The following FSHR variants were observed in gnomAD, a reference collection of about 807,000 sequenced individuals.
FSHR encodes the protein follicle-stimulating hormone receptor.
In FSHR, 46 loss-of-function variants were observed where a neutral mutation model predicts 52.1. The observed-to-expected ratio is 0.88, with a 90% CI of 0.70 to 1.13. FSHR has a LOEUF of 1.13. FSHR is among the 50% of genes most tolerant of loss of function. The pLI, the probability that FSHR is intolerant of heterozygous loss-of-function variation, is 0.00. For synonymous variants in FSHR, 399 were observed against 309.6 expected (o/e 1.29, Z -3.03); for missense variants, 964 against 834.6 (o/e 1.16, Z -1.91).
At chr2:48,979,988 G>A (rs562240311) in intron 8 of FSHR, among the ~76,000 whole-genome samples, 1 of 152,308 alleles carries the variant, frequency 6.6e-6, no homozygotes, top group South Asian at 2.1e-4. Flanking sequence ...CACCTCTCAG[G>A]CCAGGGTTTA....
At chr2:49,033,081 A>G (rs979800162) in intron 2 of FSHR, among the ~76,000 whole-genome samples, 2 of 152,166 alleles carry the variant, frequency 1.3e-5, no homozygotes, top group African/African-American at 2.4e-5. Flanking sequence ...TTTTAGGATC[A>G]TTGTGTCTTT....
At chr2:49,133,767 C>T (rs947838121) in intron 1 of FSHR, among the ~76,000 whole-genome samples, 2 of 152,058 alleles carry the variant, frequency 1.3e-5, no homozygotes, top group African/African-American at 4.8e-5. Context: ...TAATACCATA[C>T]ATCTACAACC....
rs1375863019 is a variant in FSHR at position 48,963,062 on chromosome 2, G to C, written c.1759C>G (p.Pro587Ala). The change falls in exon 10 of 10, where the codon CCC (proline) becomes GCC (alanine). Residue 587 changes from proline (P) to alanine (A), a missense_variant. Coordinates refer to ENST00000406846, the MANE Select transcript of FSHR (RefSeq NM_000145.4). ...GCAGAAATGGCAAAGAAAGAAATGGGTGCCATGCAGAGGAAGTCAGTGAAG... is the reference window on the plus strand; with the variant it reads ...GCAGAAATGGCAAAGAAAGAAATGGCTGCCATGCAGAGGAAGTCAGTGAAG... ...LIFTDFLCMA[P>A]ISFFAISASL... The C allele has an allele frequency of 6.2e-7, 1 of 1,614,054 alleles. No individual in the cohort carries two copies. The highest frequency in any genetic ancestry group is 1.1e-5 in the South Asian group (1 of 91,062).
intron 2 of FSHR, among the ~76,000 whole-genome samples, chr2:49,061,735 GCTATTTATATATAA>G (rs56172410): frequency 0.35 from 46,029 of 130,926 alleles, 8,401 homozygotes; most frequent in East Asian, 0.52. Context: ...AAAATATATA[GCTATTTATATATAA>G]CTATTTATAT....
chr2:49,092,432 C>T (rs1043806226), intron 1 of FSHR, among the ~76,000 whole-genome samples: 1 of 152,154 alleles, frequency 6.6e-6, no homozygotes, highest in African/African-American at 2.4e-5. Context: ...TGAAAGTGGA[C>T]ATTCTTGCTT....
At chr2:49,089,652 G>C (rs1225397595) in intron 1 of FSHR, among the ~76,000 whole-genome samples, 2 of 152,154 alleles carry the variant, frequency 1.3e-5, no homozygotes, top group Non-Finnish European at 2.9e-5. Flanking sequence ...ATTTAACAAA[G>C]AAAGTATGTC....
intron 2 of FSHR, among the ~76,000 whole-genome samples, chr2:49,065,742 G>T (rs905428022): frequency 6.6e-6 from 1 of 151,890 alleles, no homozygotes; most frequent in Non-Finnish European, 1.5e-5. Flanking sequence ...GTCATTCAAG[G>T]GTGGAGCTAG....
chr2:49,011,850 G>A (rs1047618421), intron 4 of FSHR, among the ~76,000 whole-genome samples: 1 of 151,972 alleles, frequency 6.6e-6, no homozygotes, highest in Non-Finnish European at 1.5e-5. Flanking sequence ...AAGCAGTTCA[G>A]CTTTTATAAC....
chr2:48,963,896 C>A lies in FSHR; in HGVS notation c.925G>T (p.Gly309Cys), dbSNP rs763012941. ...TCTTCTGCCAGAGAGGATCTCTGAC[C>A]CCTAGCCTGAGTCATATAATCAACT... The part of the protein sequence containing the change: ...QEVDYMTQAR[G>C]QRSSLAEDNE... The change falls in exon 10 of 10, where the codon GGT becomes TGT. Residue 309 changes from glycine to cysteine, a missense_variant. Gly to Cys is a radical substitution (Grantham distance 159). Transcript: ENST00000406846. The A allele has an allele frequency of 2.5e-6, 4 of 1,613,170 alleles. No homozygotes were observed. The Admixed American group carries it at 6.7e-5, about 27-fold the overall frequency.
At chr2:49,142,590 A>C (rs1558465174) in intron 1 of FSHR, among the ~76,000 whole-genome samples, 1 of 152,190 alleles carries the variant, frequency 6.6e-6, no homozygotes, top group Non-Finnish European at 1.5e-5. Context: ...ATAAAACATG[A>C]GTGTAATAAA....
chr2:48,982,542 G>C (rs553819443), intron 8 of FSHR, among the ~76,000 whole-genome samples: 2 of 152,258 alleles, frequency 1.3e-5, no homozygotes, highest in East Asian at 3.9e-4. Context: ...TGTAACTCTT[G>C]TATAACCTTG....
intron 2 of FSHR, among the ~76,000 whole-genome samples, chr2:49,024,929 G>C (rs138110674): frequency 6.6e-6 from 1 of 152,180 alleles, no homozygotes; most frequent in Non-Finnish European, 1.5e-5. Context: ...ATATTGCATT[G>C]GGTTTGCATT....
chr2:49,007,910 G>A (rs557484797), intron 4 of FSHR, among the ~76,000 whole-genome samples: 8 of 151,888 alleles, frequency 5.3e-5, no homozygotes, highest in Admixed American at 1.3e-4. Context: ...AGAGAGCTGA[G>A]GTACAAAGAG....
At chr2:49,142,496 G>C (rs1672722799) in intron 1 of FSHR, among the ~76,000 whole-genome samples, 1 of 152,194 alleles carries the variant, frequency 6.6e-6, no homozygotes, top group Admixed American at 6.5e-5. Flanking sequence ...AAGCACATTA[G>C]CTCCACAAGG....
intron 1 of FSHR, among the ~76,000 whole-genome samples, chr2:49,095,921 A>C (rs868369272): frequency 3.3e-5 from 5 of 152,190 alleles, no homozygotes; most frequent in Non-Finnish European, 4.4e-5. Context: ...ATGAAATGCC[A>C]CTTTACATTC....
rs1407396662 is a variant in FSHR at position 48,963,959 on chromosome 2, G to A, written c.862C>T (p.Leu288Phe). The A allele has an allele frequency of 5.0e-6, 8 of 1,612,770 alleles. No homozygotes were observed. Among genetic ancestry groups the A allele is most frequent in the Non-Finnish European group, 6.8e-6 (8 of 1,179,848 alleles). The part of the protein sequence containing the change: ...FANWRRQISE[L>F]HPICNKSILR... ...ATAGATTTGTTGCAAATTGGATGAA[G>A]CTCAGAGCTAGAAAAATACAAAAAG... The change falls in exon 10 of 10, where the codon CTT (leucine) becomes TTT (phenylalanine). Residue 288 changes from leucine to phenylalanine, a missense_variant. Coordinates refer to ENST00000406846, the MANE Select transcript of FSHR (RefSeq NM_000145.4).
chr2:49,089,574 G>A (rs939544763), intron 1 of FSHR, among the ~76,000 whole-genome samples: 10 of 152,034 alleles, frequency 6.6e-5, no homozygotes, highest in African/African-American at 1.9e-4. Context: ...CAGAGTAACC[G>A]CGTGTAACAA....
At chr2:49,056,004 A>G (rs1227576960) in intron 2 of FSHR, among the ~76,000 whole-genome samples, 1 of 152,076 alleles carries the variant, frequency 6.6e-6, no homozygotes, top group Non-Finnish European at 1.5e-5. Flanking sequence ...CAAAGGACAA[A>G]GAGAAAGGAA....
chr2:49,097,806 C>G (rs1028344068), intron 1 of FSHR, among the ~76,000 whole-genome samples: 1 of 152,114 alleles, frequency 6.6e-6, no homozygotes, highest in Non-Finnish European at 1.5e-5. Flanking sequence ...AATTGATAAA[C>G]TGCTGGATTG....
Sources: gnomAD v4.1 joint callset for allele counts (sites outside exome capture counted in the v4.1 genomes callset) on GRCh38, gnomAD v4.1.1 for gene constraint, MANE v1.5 for transcripts, NCBI Gene and HGNC (gene_info 2026-07-23, HGNC 2026-07-21) for gene names.